CCBE1: variants seen among roughly 807,000 people sequenced by gnomAD.
CCBE1 encodes the protein collagen and calcium binding EGF domains 1, also known as collagen and calcium-binding EGF domain-containing protein 1.
Under a neutral mutation model 50.0 loss-of-function variants are expected in CCBE1, and 37 were observed. That is an observed-to-expected ratio of 0.74 (90% CI 0.57 to 0.97). The LOEUF (loss-of-function observed/expected upper bound fraction) is 0.97, where lower values mean the gene tolerates loss of function less well. CCBE1 is among the 50% of genes least tolerant of loss of function. The pLI, the probability that CCBE1 is intolerant of heterozygous loss-of-function variation, is 0.00. For missense variants in CCBE1, 538 were observed against 523.8 expected (o/e 1.03, Z -0.26); for synonymous variants, 234 against 203.7 (o/e 1.15, Z -1.27).
chr18:59,550,331 G>A (rs1915867131), intron 2 of CCBE1, among the ~76,000 whole-genome samples: 2 of 152,130 alleles, frequency 1.3e-5, no homozygotes, highest in African/African-American at 4.8e-5. Context: ...GGCTGATTTC[G>A]AGTGACAACA....
intron 2 of CCBE1, among the ~76,000 whole-genome samples, chr18:59,557,735 C>T (rs973037040): frequency 2.6e-5 from 4 of 152,182 alleles, no homozygotes; most frequent in African/African-American, 9.7e-5. Context: ...AACCAGTGCT[C>T]AAGCCACTTG....
At chr18:59,694,760 C>T (rs1415813618) in intron 2 of CCBE1, among the ~76,000 whole-genome samples, 1 of 152,116 alleles carries the variant, frequency 6.6e-6, no homozygotes, top group Non-Finnish European at 1.5e-5. Flanking sequence ...CAGGATAAGA[C>T]CAACGGAATA....
intron 2 of CCBE1, among the ~76,000 whole-genome samples, chr18:59,549,025 C>A (rs1255848237): frequency 6.8e-6 from 1 of 147,542 alleles, no homozygotes; most frequent in African/African-American, 2.5e-5. Context: ...ATCACTTGAA[C>A]CTGGGAGGCA....
intron 2 of CCBE1, among the ~76,000 whole-genome samples, chr18:59,553,636 T>C (rs2851856): frequency 0.8 from 121,344 of 152,190 alleles, 48,998 homozygotes; most frequent in African/African-American, 0.92. Flanking sequence ...TCCAGACCAG[T>C]CGCAGTGCCA....
intron 2 of CCBE1, among the ~76,000 whole-genome samples, chr18:59,513,809 G>A (rs1914242720): frequency 1.3e-5 from 2 of 152,218 alleles, no homozygotes; most frequent in Admixed American, 6.5e-5. Flanking sequence ...CTCAGTGCTG[G>A]AGTTCAGACT....
intron 2 of CCBE1, among the ~76,000 whole-genome samples, chr18:59,495,280 T>G (rs1913296334): frequency 6.6e-6 from 1 of 151,902 alleles, no homozygotes; most frequent in Admixed American, 6.5e-5. Flanking sequence ...TACGTAACTG[T>G]GATTAACATG....
intron 6 of CCBE1, among the ~76,000 whole-genome samples, chr18:59,453,536 C>T (rs76193117): frequency 0.013 from 1,929 of 152,220 alleles, 43 homozygotes; most frequent in African/African-American, 0.044. Context: ...TCATCAGAGT[C>T]GTAAAAAAGG....
At chr18:59,530,169 C>A (rs759538345) in intron 2 of CCBE1, among the ~76,000 whole-genome samples, 16 of 152,044 alleles carry the variant, frequency 1.1e-4, no homozygotes, top group Non-Finnish European at 1.8e-4. Flanking sequence ...ATGGATGGGC[C>A]TGACTGAGGC....
chr18:59,556,918 G>C (rs546561359), intron 2 of CCBE1, among the ~76,000 whole-genome samples: 110 of 152,346 alleles, frequency 7.2e-4, no homozygotes, highest in Non-Finnish European at 1.3e-3. Context: ...AGCTGGAATT[G>C]TATTTCTCAG....
intron 2 of CCBE1, among the ~76,000 whole-genome samples, chr18:59,572,895 G>C (rs927524666): frequency 8.5e-5 from 13 of 152,154 alleles, no homozygotes; most frequent in Non-Finnish European, 1.8e-4. Flanking sequence ...CCAGTTGCTT[G>C]GACAAACACT....
chr18:59,602,575 G>GTA (rs376157737), intron 2 of CCBE1, among the ~76,000 whole-genome samples: 4 of 152,032 alleles, frequency 2.6e-5, no homozygotes, highest in Non-Finnish European at 4.4e-5. Context: ...TACAAAAAGG[G>GTA]TATATATATG....
At chr18:59,505,320 G>A (rs1385552381) in intron 2 of CCBE1, among the ~76,000 whole-genome samples, 3 of 152,158 alleles carry the variant, frequency 2.0e-5, no homozygotes, top group Non-Finnish European at 4.4e-5. Flanking sequence ...CAGGACCAGG[G>A]ACGCCATCCT....
intron 2 of CCBE1, among the ~76,000 whole-genome samples, chr18:59,691,062 T>C (rs896675469): frequency 6.6e-6 from 1 of 152,266 alleles, no homozygotes; most frequent in Non-Finnish European, 1.5e-5. Flanking sequence ...AGAGTCTTCC[T>C]AGCTCAGATT....
At chr18:59,630,008 C>G (rs1343926783) in intron 2 of CCBE1, among the ~76,000 whole-genome samples, 1 of 152,182 alleles carries the variant, frequency 6.6e-6, no homozygotes, top group African/African-American at 2.4e-5. Flanking sequence ...AGAAAAGGAG[C>G]CTACTTTCTA....
At chr18:59,640,537 A>C (rs2053973043) in intron 2 of CCBE1, among the ~76,000 whole-genome samples, 1 of 152,216 alleles carries the variant, frequency 6.6e-6, no homozygotes, top group Admixed American at 6.5e-5. Context: ...TCTGGAAGAT[A>C]ATCTAATAAA....
intron 2 of CCBE1, among the ~76,000 whole-genome samples, chr18:59,657,241 A>G (rs560296019): frequency 7.9e-5 from 12 of 152,368 alleles, no homozygotes; most frequent in African/African-American, 2.9e-4. Flanking sequence ...GTGCGAGGGT[A>G]GAGAAGAAGG....
chr18:59,537,236 C>T (rs553826564), intron 2 of CCBE1, among the ~76,000 whole-genome samples: 16 of 152,210 alleles, frequency 1.1e-4, no homozygotes, highest in African/African-American at 3.6e-4. Flanking sequence ...ATTCTGGAGT[C>T]GTCTATCATA....
intron 5 of CCBE1, chr18:59,455,252 C>T: frequency 4.3e-6 from 2 of 467,058 alleles, no homozygotes; most frequent in Non-Finnish European, 7.9e-6. Context: ...GGCCTTTTAT[C>T]AGTGCTTTTC....
At chr18:59,514,802 A>G (rs911900074) in intron 2 of CCBE1, among the ~76,000 whole-genome samples, 2 of 152,128 alleles carry the variant, frequency 1.3e-5, no homozygotes, top group African/African-American at 2.4e-5. Flanking sequence ...CAGTTTCAGC[A>G]GACACATTTT....
Sources: gnomAD v4.1 joint callset for allele counts (sites outside exome capture counted in the v4.1 genomes callset) on GRCh38, gnomAD v4.1.1 for gene constraint, MANE v1.5 for transcripts, NCBI Gene and HGNC (gene_info 2026-07-23, HGNC 2026-07-21) for gene names.